RRM2: variants seen among roughly 807,000 people sequenced by gnomAD.
The protein encoded by RRM2 is ribonucleotide reductase regulatory subunit M2.
A neutral mutation model predicts 45.9 loss-of-function variants in RRM2; 6 were observed. The ratio of observed to expected loss-of-function variants is 0.13; its 90% CI spans 0.07 to 0.26. The LOEUF is 0.26. Ranked by LOEUF, RRM2 falls within the 10% of genes least tolerant of loss-of-function variation. The pLI is 1.00. For missense variants in RRM2, 343 were observed against 489.5 expected (o/e 0.70, Z 2.82); for synonymous variants, 177 against 173.0 (o/e 1.02, Z -0.18).
chr2:10,140,476 C>T (rs1402499913), upstream of RRM2, among the ~76,000 whole-genome samples: 1 of 152,114 alleles, frequency 6.6e-6, no homozygotes, highest in African/African-American at 2.4e-5. Flanking sequence ...AAGGCCTGAC[C>T]ATGTTCCTGA....
At chr2:10,131,829 G>A (rs750937393), downstream of RRM2, among the ~76,000 whole-genome samples, 1 of 152,240 alleles carries the variant, frequency 6.6e-6, no homozygotes, top group Non-Finnish European at 1.5e-5. Context: ...TTGGCACAAG[G>A]TGTATAGGAG....
At chr2:10,166,754 C>A (rs1663691199) in intron 3 of RRM2, among the ~76,000 whole-genome samples, 1 of 152,228 alleles carries the variant, frequency 6.6e-6, no homozygotes, top group South Asian at 2.1e-4. Context: ...GCCTTGTCAT[C>A]ACATTCTATT....
At chr2:10,154,861 T>A (rs1435144406) in intron 3 of RRM2, among the ~76,000 whole-genome samples, 1 of 151,844 alleles carries the variant, frequency 6.6e-6, no homozygotes, top group African/African-American at 2.4e-5. Context: ...CATGCCTGGC[T>A]AATTTTGTAT....
chr2:10,179,140 G>A (rs925318924), intron 3 of RRM2, among the ~76,000 whole-genome samples: 46 of 152,230 alleles, frequency 3.0e-4, no homozygotes, highest in African/African-American at 1.1e-3. Flanking sequence ...CAGTATGTCT[G>A]GCATTCATCC....
chr2:10,190,447 A>ATGG (rs1664273302), intron 3 of RRM2, among the ~76,000 whole-genome samples: 2 of 81,182 alleles, frequency 2.5e-5, no homozygotes, highest in Non-Finnish European at 5.0e-5. Context: ...GATGATGATG[A>ATGG]TGTGATGATG....
At chr2:10,200,468 G>A (rs4669553) in intron 3 of RRM2, among the ~76,000 whole-genome samples, 14,411 of 30,714 alleles carry the variant, frequency 0.47, 2,014 homozygotes, top group East Asian at 0.61. Flanking sequence ...GACCGCGCGC[G>A]CAAAATATGA....
Position 10,190,552 on chromosome 2 carries a change from GGATGGTGGTGGTGAT to G in RRM2, n.483-19751_483-19737del, listed in dbSNP as rs1450828995. Among the ~76,000 whole-genome samples, 78 of 140,044 alleles carry G rather than the reference GGATGGTGGTGGTGAT, an allele frequency of 5.6e-4. 1 individual carries two copies. The highest frequency in any genetic ancestry group is 2.0e-3 in the African/African-American group (76 of 37,478). 91.9% of individuals were successfully genotyped at this position (140,044 alleles called of 152,430 possible). On this transcript the variant is annotated intron_variant and non_coding_transcript_variant, in intron 3 of 3. Transcript: ENST00000381786. ...ATGATGGTGTTGATGGTGGTGGTGA[GGATGGTGGTGGTGAT>G]GATGGTGATGATCATGGTGATGGTG...
rs1397527436 is a variant in RRM2 at position 10,141,899 on chromosome 2, C to T, written n.306C>T. ...GCAAAGCAGATGGAGTCCAGGCCCTCGGGGAGACAGCACGCCAGTGAGGGA... is the reference window on the plus strand; with the variant it reads ...GCAAAGCAGATGGAGTCCAGGCCCTTGGGGAGACAGCACGCCAGTGAGGGA... On this transcript the variant is annotated non_coding_transcript_exon_variant, in exon 2 of 4. Transcript: ENST00000381786. 1.8e-5 allele frequency: 28 copies of T among 1,574,700 alleles called. No individual in the cohort carries two copies. The Admixed American group carries it at 2.4e-4, about 14-fold the overall frequency.
chr2:10,167,892 G>A (rs973254840), intron 3 of RRM2, among the ~76,000 whole-genome samples: 6 of 152,100 alleles, frequency 3.9e-5, no homozygotes, highest in East Asian at 3.9e-4. Flanking sequence ...ATTGTCTCCC[G>A]GGCTTTCTTG....
intron 3 of RRM2, among the ~76,000 whole-genome samples, chr2:10,168,653 G>A (rs1330436134): frequency 2.0e-5 from 3 of 151,652 alleles, no homozygotes; most frequent in Non-Finnish European, 4.4e-5. Flanking sequence ...CTAAAAAGAT[G>A]TGCCGGCTCT....
intron 3 of RRM2, among the ~76,000 whole-genome samples, chr2:10,193,290 T>A (rs1027323609): frequency 1.3e-5 from 2 of 152,186 alleles, no homozygotes; most frequent in African/African-American, 4.8e-5. Flanking sequence ...GAGGTTGGAA[T>A]GTTCCTGTGC....
At chr2:10,154,499 C>CAA (rs547349749) in intron 3 of RRM2, among the ~76,000 whole-genome samples, 9,046 of 94,322 alleles carry the variant, frequency 0.096, 619 homozygotes, top group Non-Finnish European at 0.15. Flanking sequence ...GACTCCATCT[C>CAA]AAAAAAAAAA....
intron 3 of RRM2, among the ~76,000 whole-genome samples, chr2:10,159,340 C>T (rs1442616557): frequency 6.6e-6 from 1 of 152,228 alleles, no homozygotes; most frequent in Non-Finnish European, 1.5e-5. Flanking sequence ...TTCTCGCCCT[C>T]AGCCTGGGAA....
rs1662851718 is a variant in RRM2, at chr2:10,129,419, T to G, written c.*33T>G. ...GAAGATGTGCCCTTACTTGGCTGAT[T>G]TTTTTTTTCCATCTCATAAGAAAAA... is the stretch of plus-strand genomic sequence containing the variant. On this transcript the variant is annotated 3_prime_UTR_variant, in exon 10 of 10. Transcript: ENST00000304567. This position sits in a 1 kb window ranked among gnomAD's most constrained non-coding sequence, Gnocchi z 4.8. 1 of 1,571,050 alleles carries G rather than the reference T, an allele frequency of 6.4e-7. No homozygotes were observed. The highest frequency in any genetic ancestry group is 1.7e-4 in the Middle Eastern group (1 of 5,838).
At chr2:10,181,333 T>G (rs924727419) in intron 3 of RRM2, among the ~76,000 whole-genome samples, 1 of 152,226 alleles carries the variant, frequency 6.6e-6, no homozygotes, top group Non-Finnish European at 1.5e-5. Flanking sequence ...TCATCCCTTT[T>G]CTTCTCAATC....
In RRM2 at chr2:10,131,292, G is replaced by A. The variant is rs1662896189; in HGVS notation, c.*1906G>A. On this transcript the variant is annotated 3_prime_UTR_variant, in exon 10 of 10. Transcript: ENST00000304567. ...CTGTCTCTCATTAGCTGAATAATGT[G>A]AGGATTAACTTCTGCCAGCTCAGAC... 1 of 152,232 alleles carries A rather than the reference G, an allele frequency of 6.6e-6. No individual in the cohort carries two copies. Among genetic ancestry groups the A allele is most frequent in the Non-Finnish European group, 1.5e-5 (1 of 68,044 alleles). The allele number at this position is 152,232 out of a possible 1,614,324, so 9.4% of individuals were successfully genotyped here. A position where few individuals can be genotyped will look rare whatever the true frequency, so the allele number is the denominator to read the frequency against.
chr2:10,164,545 G>C (rs978869116), intron 3 of RRM2, among the ~76,000 whole-genome samples: 1 of 152,220 alleles, frequency 6.6e-6, no homozygotes, highest in African/African-American at 2.4e-5. Context: ...GTGCTCACGG[G>C]CGAAGTGAGC....
chr2:10,134,000 G>A (rs1025251337), downstream of RRM2, among the ~76,000 whole-genome samples: 1 of 151,884 alleles, frequency 6.6e-6, no homozygotes, highest in Non-Finnish European at 1.5e-5. Flanking sequence ...CCAACATGGT[G>A]AGACCCCATC....
rs974731525 is a variant in RRM2, at chr2:10,172,520, A to G, written n.482+30145A>G. 4.6e-5 allele frequency among the ~76,000 whole-genome samples: 7 copies of G among 152,180 alleles called. No homozygotes were observed. The highest frequency in any genetic ancestry group is 1.7e-4 in the African/African-American group (7 of 41,438). On this transcript the variant is annotated intron_variant and non_coding_transcript_variant, in intron 3 of 3. Coordinates refer to the RRM2 transcript ENST00000381786. This position sits in a 1 kb window ranked among gnomAD's most constrained non-coding sequence, Gnocchi z 4.9. Reference sequence around the variant, plus strand: ...TGTGAGCAGAATGCTCCTGGGGCCAATAGATTTTTCCAGTAATGAAATTGT... The same window carrying G: ...TGTGAGCAGAATGCTCCTGGGGCCAGTAGATTTTTCCAGTAATGAAATTGT...
Sources: allele counts gnomAD v4.1 joint callset (sites outside exome capture counted in the v4.1 genomes callset), GRCh38; gene constraint gnomAD v4.1.1; non-coding constraint Gnocchi (gnomAD v3.1); transcripts MANE v1.5; gene names NCBI Gene and HGNC (gene_info 2026-07-23, HGNC 2026-07-21).